DPH7: variants seen among roughly 807,000 people sequenced by gnomAD.
DPH7 encodes diphthine methyltransferase.
A neutral mutation model predicts 41.7 loss-of-function variants in DPH7; 44 were observed. That is an observed-to-expected ratio of 1.05 (90% CI 0.83 to 1.36). DPH7 has a LOEUF of 1.36. Ranked by LOEUF, DPH7 falls within the 40% of genes most tolerant of loss-of-function variation. DPH7 has a pLI of 0.00. For synonymous variants in DPH7, 275 were observed against 238.0 expected (o/e 1.16, Z -1.43); for missense variants, 629 against 577.5 (o/e 1.09, Z -0.91).
chr9:137,573,981 G>C (rs1438150215), intron 5 of DPH7, among the ~76,000 whole-genome samples: 2 of 152,128 alleles, frequency 1.3e-5, no homozygotes, highest in Non-Finnish European at 2.9e-5. Flanking sequence ...CAGTAGAATC[G>C]CTTGAACCTG....
In DPH7 at chr9:137,555,219, G is replaced by A. The variant is rs1837245768; in HGVS notation, c.*20C>T. On this transcript the variant is annotated 3_prime_UTR_variant, in exon 9 of 9. Coordinates refer to ENST00000277540, the MANE Select transcript of DPH7 (RefSeq NM_138778.5). Reference sequence around the variant, plus strand: ...CTCCCTCCTGGTTTCCTTGTGGGAAGGGGCTTCATGATTTCAAGCTCAGTT... The same window carrying A: ...CTCCCTCCTGGTTTCCTTGTGGGAAAGGGCTTCATGATTTCAAGCTCAGTT... The A allele has an allele frequency of 8.3e-6, 13 of 1,565,912 alleles. No homozygotes were observed. Among genetic ancestry groups the A allele is most frequent in the Non-Finnish European group, 1.1e-5 (13 of 1,153,598 alleles).
At position 137,564,304 on chromosome 9, in the gene DPH7, G is replaced by C. The variant is rs1000003980; in HGVS notation, c.949+130C>G. ...CCAAGTCTAGGGCGCGACGCTGGGA[G>C]TGTGTAAAAGCTGAGGGAAGAGCCC... On this transcript the variant is annotated intron_variant, in intron 8 of 8. Transcript: ENST00000277540. 4.3e-5 allele frequency: 50 copies of C among 1,157,720 alleles called. 1 individual carries two copies. The South Asian group carries it at 7.6e-4, about 18-fold the overall frequency. 71.7% of individuals were successfully genotyped at this position (1,157,720 alleles called of 1,614,324 possible). A position where few individuals can be genotyped will look rare whatever the true frequency, so the allele number is the denominator to read the frequency against.
rs541845151 is a variant in DPH7 at position 137,564,923 on chromosome 9, G to C, written c.746C>G (p.Pro249Arg). The change falls in exon 7 of 9, where the codon CCT (proline) becomes CGT (arginine). Residue 249 changes from proline (P) to arginine (R), a missense_variant. By Grantham distance (103) the Pro-to-Arg change is moderately radical. Coordinates refer to ENST00000277540, the MANE Select transcript of DPH7 (RefSeq NM_138778.5). ...TMGVCSIQSS[P>R]HREHILATGS... ...CGTGGCCAGGATGTGCTCCCGATGA[G>C]GGCTGCTCTGGATGCTGCACACACC... 79 of 1,596,734 alleles carry C rather than the reference G, an allele frequency of 4.9e-5. No homozygotes were observed. Among genetic ancestry groups the C allele is most frequent in the South Asian group, 6.7e-5 (6 of 88,968 alleles).
chr9:137,561,034 AAAAAAAAG>A (rs1554792985), intron 8 of DPH7, among the ~76,000 whole-genome samples: 39 of 129,544 alleles, frequency 3.0e-4, no homozygotes, highest in Admixed American at 1.2e-3. Context: ...AAAAAAAAAA[AAAAAAAAG>A]AAAAAAAGAA....
rs552310039 is a variant in DPH7, at chr9:137,564,198, C to T, written c.949+236G>A. ...AGGTCTGCCGAAATGCAGGAGGCAC[C>T]GGAATGACGGAGCTGGGAAACCAGG... On this transcript the variant is annotated intron_variant, in intron 8 of 8. Transcript: ENST00000277540. Among the ~76,000 whole-genome samples, 42 of 152,276 alleles carry T rather than the reference C, an allele frequency of 2.8e-4. 1 individual carries two copies. Among genetic ancestry groups the T allele is most frequent in the Non-Finnish European group, 1.3e-4 (9 of 68,022 alleles).
rs933259116 is a variant in DPH7, at chr9:137,560,246, C to T, written c.949+4188G>A. On this transcript the variant is annotated intron_variant, in intron 8 of 8. Coordinates refer to ENST00000277540, the MANE Select transcript of DPH7 (RefSeq NM_138778.5). The stretch of plus-strand genomic sequence containing the variant: ...AACACCACCGAGGGCCTCTCCTAAG[C>T]GTCTCTCAGGAGGCAAGCTCTATCC... 2.6e-5 allele frequency among the ~76,000 whole-genome samples: 4 copies of T among 152,252 alleles called. No homozygotes were observed. The East Asian group carries it at 5.8e-4, about 22-fold the overall frequency.
Position 137,577,573 on chromosome 9 carries a change from G to T in DPH7, c.184C>A (p.Arg62Ser). The change falls in exon 2 of 9, where the codon CGT becomes AGT. Residue 62 changes from arginine to serine, a missense_variant. Transcript: ENST00000277540. The stretch of plus-strand genomic sequence containing the variant: ...CTGTACAGGAAGAGACGGCCTAAAC[G>T]GACCTGAGGCTCCTTAACTTCCATT... ...GGMEVKEPQVRLGRLFLYSFN... is the reference protein window; with the variant it reads ...GGMEVKEPQVSLGRLFLYSFN... 1 of 1,613,922 alleles carries T rather than the reference G, an allele frequency of 6.2e-7. No individual in the cohort carries two copies. The highest frequency in any genetic ancestry group is 8.5e-7 in the Non-Finnish European group (1 of 1,179,936).
intron 1 of DPH7, 81 bp from the exon 2 acceptor site, chr9:137,577,684 T>G: frequency 6.5e-7 from 1 of 1,550,166 alleles, no homozygotes; most frequent in Admixed American, 1.9e-5. Flanking sequence ...TCCAAGGAAC[T>G]CAAAGGTTTG....
intron 5 of DPH7, among the ~76,000 whole-genome samples, chr9:137,569,147 A>G (rs1839938902): frequency 1.3e-5 from 2 of 152,058 alleles, no homozygotes; most frequent in African/African-American, 2.4e-5. Context: ...CAGGGCCCAC[A>G]GGGAGAGTGA....
intron 1 of DPH7, 96 bp downstream of exon 1, chr9:137,578,529 T>C (rs1564478332): frequency 1.5e-6 from 2 of 1,298,590 alleles, no homozygotes; most frequent in Non-Finnish European, 2.0e-6. Context: ...AAAGGGCCAA[T>C]ATCCCCTCTT....
intron 3 of DPH7, chr9:137,575,819 T>G (rs769025072): frequency 1.6e-6 from 2 of 1,282,228 alleles, no homozygotes; most frequent in Non-Finnish European, 2.0e-6. Context: ...CTTAGAGAAC[T>G]TTCAGATCCA....
Position 137,564,959 on chromosome 9 carries a change from C to T in DPH7, c.711-1G>A. The T allele has an allele frequency of 6.3e-7, 1 of 1,594,986 alleles. No individual in the cohort carries two copies. The highest frequency in any genetic ancestry group is 8.5e-7 in the Non-Finnish European group (1 of 1,170,586). On this transcript the variant is annotated splice_acceptor_variant, in intron 6 of 8. Transcript: ENST00000277540. LOFTEE classifies it high-confidence loss of function. ...GATGCTGCACACACCCATGGTGTGTCTGCAAGCAGAGGCGGCTTCTGAACC... is the reference window on the plus strand; with the variant it reads ...GATGCTGCACACACCCATGGTGTGTTTGCAAGCAGAGGCGGCTTCTGAACC...
chr9:137,556,711 C>A lies in DPH7; in HGVS notation c.950-1063G>T. The A allele has an allele frequency of 2.4e-6, 1 of 417,964 alleles. No individual in the cohort carries two copies. The highest frequency in any genetic ancestry group is 7.3e-5 in the East Asian group (1 of 13,770). 25.9% of individuals were successfully genotyped at this position (417,964 alleles called of 1,614,324 possible). On this transcript the variant is annotated intron_variant, in intron 8 of 8. Transcript: ENST00000277540. The surrounding 1 kb of genome is among the most constrained non-coding windows in gnomAD (Gnocchi z 5.2). ...GAGGAAGCCCCTGGGGAGGCCGTTA[C>A]TGTCCCTTGGGAGGTAGCGTCACAG... is the stretch of plus-strand genomic sequence containing the variant.
At chr9:137,577,925 C>A in intron 1 of DPH7, 2 of 976,230 alleles carry the variant, frequency 2.0e-6, no homozygotes, top group Non-Finnish European at 1.2e-6. Context: ...CTAATATGTA[C>A]CCACCAGAAG....
At chr9:137,571,521 G>A (rs1840433928) in intron 5 of DPH7, among the ~76,000 whole-genome samples, 1 of 152,210 alleles carries the variant, frequency 6.6e-6, no homozygotes, top group Admixed American at 6.5e-5. Flanking sequence ...TGAGTGCAGT[G>A]GCTGACGCCT....
rs1344537573 is a variant in DPH7, at chr9:137,578,624, C to A, written c.153+1G>T. The A allele has an allele frequency of 5.3e-6, 8 of 1,496,592 alleles. No homozygotes were observed. Among genetic ancestry groups the A allele is most frequent in the African/African-American group, 1.5e-5 (1 of 68,784 alleles). 92.7% of individuals were successfully genotyped at this position (1,496,592 alleles called of 1,614,324 possible). On this transcript the variant is annotated splice_donor_variant, in intron 1 of 8. Coordinates refer to ENST00000277540, the MANE Select transcript of DPH7 (RefSeq NM_138778.5). LOFTEE classifies it high-confidence loss of function. ...CCCTCCCGAAGCCGCGGCGCGCGCA[C>A]CTTGTTCTGGGGGCCGGCAGGCCGG...
At position 137,578,871 on chromosome 9, in the gene DPH7, G is replaced by C. The variant is rs1290805125; in HGVS notation, c.-94C>G. ...CGGGGCGGCGAGGCCGGGGCCGGCC[G>C]GACGAGCGCAGAGCCCCAGGGACAC... is the stretch of plus-strand genomic sequence containing the variant. On this transcript the variant is annotated 5_prime_UTR_variant, in exon 1 of 9. Coordinates refer to ENST00000277540, the MANE Select transcript of DPH7 (RefSeq NM_138778.5). 1.6e-6 allele frequency: 2 copies of C among 1,275,028 alleles called. No homozygotes were observed. The highest frequency in any genetic ancestry group is 1.6e-5 in the African/African-American group (1 of 63,774). 79.0% of individuals were successfully genotyped at this position (1,275,028 alleles called of 1,614,324 possible).
In DPH7 at chr9:137,564,761, G is replaced by A. The variant is rs183762353; in HGVS notation, c.776+132C>T. ...ACCAAACCCATATACCTACACTCCG[G>A]CGAAGCACTGGCAGACGAAATGCTG... On this transcript the variant is annotated intron_variant, in intron 7 of 8. Coordinates refer to ENST00000277540, the MANE Select transcript of DPH7 (RefSeq NM_138778.5). The A allele has an allele frequency of 5.6e-6, 8 of 1,422,008 alleles. No individual in the cohort carries two copies. In the Admixed American group the frequency reaches 9.7e-5, roughly 17 times the overall value. The allele number at this position is 1,422,008 out of a possible 1,614,324, so 88.1% of individuals were successfully genotyped here.
chr9:137,569,654 C>G (rs1840054069), intron 5 of DPH7, among the ~76,000 whole-genome samples: 1 of 146,458 alleles, frequency 6.8e-6, no homozygotes, highest in South Asian at 2.2e-4. Flanking sequence ...ACCATCCATC[C>G]ACCATCCACC....
Sources: allele counts gnomAD v4.1 joint callset (sites outside exome capture counted in the v4.1 genomes callset), GRCh38; gene constraint gnomAD v4.1.1; non-coding constraint Gnocchi (gnomAD v3.1); transcripts MANE v1.5; gene names NCBI Gene and HGNC (gene_info 2026-07-23, HGNC 2026-07-21).